COG5: variants seen among roughly 807,000 people sequenced by gnomAD.
COG5 encodes component of oligomeric golgi complex 5, also known as conserved oligomeric Golgi complex subunit 5.
A neutral mutation model predicts 110.4 loss-of-function variants in COG5; 86 were observed. The observed-to-expected ratio is 0.78, with a 90% CI of 0.65 to 0.93. COG5 has a LOEUF of 0.93. Among genes scored for constraint, COG5 ranks in the 40% least tolerant of loss-of-function variants. COG5 has a pLI of 0.00. For missense variants in COG5, 1,077 were observed against 987.0 expected, an observed-to-expected ratio of 1.09 and a Z score of -1.22; for synonymous variants, 360 against 334.6, an observed-to-expected ratio of 1.08 and a Z score of -0.83.
intron 13 of COG5, among the ~76,000 whole-genome samples, chr7:107,281,620 A>G (rs1805173768): frequency 6.6e-6 from 1 of 152,166 alleles, no homozygotes; most frequent in Non-Finnish European, 1.5e-5. Context: ...CTCATTAACA[A>G]AAGCATGTCA....
chr7:107,412,297 CATT>C (rs1792357276), intron 7 of COG5, among the ~76,000 whole-genome samples: 2 of 151,998 alleles, frequency 1.3e-5, no homozygotes, highest in South Asian at 4.1e-4. Flanking sequence ...ACATTAGAAA[CATT>C]AGGTCTATTT....
chr7:107,509,460 T>C (rs1584912954), intron 6 of COG5, among the ~76,000 whole-genome samples: 1 of 152,196 alleles, frequency 6.6e-6, no homozygotes, highest in African/African-American at 2.4e-5. Context: ...TGGAACCAAG[T>C]TGGAAAACAC....
intron 7 of COG5, among the ~76,000 whole-genome samples, chr7:107,389,559 C>T (rs1040254145): frequency 6.6e-6 from 1 of 152,188 alleles, no homozygotes; most frequent in Non-Finnish European, 1.5e-5. Context: ...AAGGACAAAG[C>T]TGGGAAAGTA....
At chr7:107,522,809 AT>A (rs1003713659) in intron 6 of COG5, among the ~76,000 whole-genome samples, 1 of 152,004 alleles carries the variant, frequency 6.6e-6, no homozygotes, top group Admixed American at 6.6e-5. Context: ...TGAAAAGACT[AT>A]TTTTTTCTCT....
At chr7:107,254,486 GTC>G (rs1452077600) in intron 16 of COG5, among the ~76,000 whole-genome samples, 2 of 151,984 alleles carry the variant, frequency 1.3e-5, no homozygotes, top group Admixed American at 1.3e-4. Flanking sequence ...GAGCAATGAA[GTC>G]TCTAACTGAT....
intron 10 of COG5, among the ~76,000 whole-genome samples, chr7:107,356,343 T>C (rs1021629304): frequency 6.6e-5 from 10 of 152,218 alleles, no homozygotes; most frequent in African/African-American, 2.4e-4. Flanking sequence ...ATCCATTTTC[T>C]AAACCAAAGA....
intron 12 of COG5, among the ~76,000 whole-genome samples, chr7:107,293,742 C>T (rs1434121757): frequency 6.6e-6 from 1 of 152,052 alleles, no homozygotes; most frequent in African/African-American, 2.4e-5. Context: ...TATAACTTCC[C>T]TATGTAATCT....
chr7:107,351,773 A>G (rs1314733023), intron 10 of COG5, among the ~76,000 whole-genome samples: 3 of 151,046 alleles, frequency 2.0e-5, no homozygotes, highest in Non-Finnish European at 4.4e-5. Context: ...ACCATCTCAC[A>G]CCAGCTAGAA....
intron 19 of COG5, among the ~76,000 whole-genome samples, chr7:107,223,088 C>G (rs1024716357): frequency 6.6e-6 from 1 of 152,150 alleles, no homozygotes; most frequent in African/African-American, 2.4e-5. Context: ...ATGCCACTTG[C>G]CATCACCCCA....
chr7:107,415,901 C>T (rs1471148441), intron 6 of COG5, among the ~76,000 whole-genome samples: 2 of 77,340 alleles, frequency 2.6e-5, no homozygotes, highest in Admixed American at 2.5e-4. Flanking sequence ...CACACATACA[C>T]GTATGTATGT....
chr7:107,319,574 T>C (rs1391948568), intron 11 of COG5, among the ~76,000 whole-genome samples: 1 of 152,230 alleles, frequency 6.6e-6, no homozygotes, highest in Non-Finnish European at 1.5e-5. Flanking sequence ...ATATTGCCTG[T>C]TGCCCAATGT....
chr7:107,530,601 CAAAAAAAAAAA>C (rs953588412), intron 5 of COG5, among the ~76,000 whole-genome samples: 2 of 47,768 alleles, frequency 4.2e-5, no homozygotes, highest in Admixed American at 2.5e-4. Context: ...AACTCCATCT[CAAAAAAAAAAA>C]AAAAAAAAAA....
intron 6 of COG5, among the ~76,000 whole-genome samples, chr7:107,443,190 C>T (rs4727678): frequency 1.3e-5 from 2 of 151,828 alleles, no homozygotes; most frequent in African/African-American, 4.8e-5. Context: ...GAATGAAGAA[C>T]TGACACATGC....
chr7:107,406,803 C>T (rs1423921531), intron 7 of COG5, among the ~76,000 whole-genome samples: 1 of 152,042 alleles, frequency 6.6e-6, no homozygotes, highest in East Asian at 1.9e-4. Flanking sequence ...ATTTTAAGAA[C>T]TGCATAAAGA....
chr7:107,295,082 T>C (rs1257236835), intron 12 of COG5, among the ~76,000 whole-genome samples: 41 of 63,976 alleles, frequency 6.4e-4, no homozygotes, highest in African/African-American at 2.5e-3. Flanking sequence ...TATATATATA[T>C]ATATATATAT....
Position 107,236,527 on chromosome 7 carries a change from G to A in COG5, c.2014C>T (p.Leu672Phe). Residue 672 changes from leucine to phenylalanine, a missense_variant, in exon 18 of 22, where the codon CTT (leucine) becomes TTT (phenylalanine). By Grantham distance (22) the Leu-to-Phe change is conservative. Coordinates refer to ENST00000297135, the MANE Select transcript of COG5 (RefSeq NM_006348.5). ...ATGAGACTGGCATGGCGGATAAAAA[G>A]TTCAACAGCTCTTTGGGCAATAGCC... ...TEAIAQRAVE[L>F]FIRHASLIRP... 6.2e-7 allele frequency: 1 copy of A among 1,614,138 alleles called. No individual in the cohort carries two copies. Among genetic ancestry groups the A allele is most frequent in the Non-Finnish European group, 8.5e-7 (1 of 1,180,018 alleles).
chr7:107,510,906 G>A (rs544616258), intron 6 of COG5, among the ~76,000 whole-genome samples: 1 of 152,262 alleles, frequency 6.6e-6, no homozygotes, highest in African/African-American at 2.4e-5. Context: ...TGTGTAGAGG[G>A]AAATTTATAG....
chr7:107,378,276 A>G (rs548433412), intron 7 of COG5, among the ~76,000 whole-genome samples: 99 of 152,330 alleles, frequency 6.5e-4, no homozygotes, highest in African/African-American at 2.3e-3. Context: ...GGTCACCAAC[A>G]GCAAAGACCA....
intron 7 of COG5, among the ~76,000 whole-genome samples, chr7:107,373,206 T>G (rs1377896244): frequency 6.6e-6 from 1 of 152,172 alleles, no homozygotes; most frequent in East Asian, 1.9e-4. Context: ...GACCCATTAA[T>G]TCATTCTAAC....
Sources: allele counts gnomAD v4.1 joint callset (sites outside exome capture counted in the v4.1 genomes callset), GRCh38; gene constraint gnomAD v4.1.1; transcripts MANE v1.5; gene names NCBI Gene and HGNC (gene_info 2026-07-23, HGNC 2026-07-21).